Variants in ARHGAP24 observed in about 807,000 individuals in gnomAD.
The protein encoded by ARHGAP24 is Rho GTPase activating protein 24, also known as rho GTPase-activating protein 24.
A neutral mutation model predicts 76.4 loss-of-function variants in ARHGAP24; 50 were observed. The ratio of observed to expected loss-of-function variants is 0.65; its 90% CI spans 0.52 to 0.83. The LOEUF is 0.83. Among genes scored for constraint, ARHGAP24 ranks in the 40% least tolerant of loss-of-function variants. The probability of loss-of-function intolerance (pLI) is 0.00; values close to 1 mark genes in which losing one functional copy is unlikely to be tolerated. For missense variants in ARHGAP24, 930 were observed against 914.2 expected, an observed-to-expected ratio of 1.02 and a Z score of -0.22; for synonymous variants, 345 against 323.3, an observed-to-expected ratio of 1.07 and a Z score of -0.72.
intron 4 of ARHGAP24, among the ~76,000 whole-genome samples, chr4:85,938,057 G>A (rs983994056): frequency 1.3e-5 from 2 of 152,160 alleles, no homozygotes; most frequent in Non-Finnish European, 1.5e-5. Context: ...ATGTAAAGGG[G>A]GACCCTTACA....
chr4:85,753,788 T>C (rs1468604781), intron 3 of ARHGAP24, among the ~76,000 whole-genome samples: 1 of 152,200 alleles, frequency 6.6e-6, no homozygotes, highest in African/African-American at 2.4e-5. Flanking sequence ...TATATCATAA[T>C]TGTGCATATT....
intron 1 of ARHGAP24, among the ~76,000 whole-genome samples, chr4:85,527,849 A>G (rs945336384): frequency 1.3e-5 from 2 of 152,072 alleles, no homozygotes; most frequent in African/African-American, 4.8e-5. Context: ...TCCAAGAAGT[A>G]GGTATGGATT....
intron 1 of ARHGAP24, among the ~76,000 whole-genome samples, chr4:85,539,407 T>A (rs1336345924): frequency 6.6e-6 from 1 of 152,172 alleles, no homozygotes; most frequent in African/African-American, 2.4e-5. Flanking sequence ...TCTTACTTTT[T>A]CAAACAACAT....
intron 3 of ARHGAP24, among the ~76,000 whole-genome samples, chr4:85,813,818 T>TTATATATATATATATA (rs35261368): frequency 3.7e-4 from 51 of 137,132 alleles, no homozygotes; most frequent in African/African-American, 1.2e-3. Context: ...TATATTTATT[T>TTATATATATATATATA]TATATATATA....
intron 1 of ARHGAP24, among the ~76,000 whole-genome samples, chr4:85,554,908 C>T (rs1003985699): frequency 7.2e-5 from 11 of 151,814 alleles, no homozygotes; most frequent in Admixed American, 6.6e-5. Context: ...TCTCAATCTC[C>T]TGACCTCGTG....
rs150457227 is a variant in ARHGAP24 at position 85,811,181 on chromosome 4, A to G, written c.268+89209A>G. Among the ~76,000 whole-genome samples, 27 of 152,346 alleles carry G rather than the reference A, an allele frequency of 1.8e-4. No homozygotes were observed. The East Asian group carries it at 4.2e-3, about 24-fold the overall frequency. ...TTTCTGTGTGTCTCTTGAGAAGTTT[A>G]TTTAAAAATGGCAGCATTTGAAATT... On this transcript the variant is annotated intron_variant, in intron 3 of 9. Coordinates refer to ENST00000395184, the MANE Select transcript of ARHGAP24 (RefSeq NM_001025616.3).
At chr4:85,551,731 T>A (rs754472541) in intron 1 of ARHGAP24, among the ~76,000 whole-genome samples, 14 of 152,176 alleles carry the variant, frequency 9.2e-5, no homozygotes, top group Non-Finnish European at 1.9e-4. Flanking sequence ...AGGGATTCAG[T>A]TTCTTCCTAG....
chr4:85,888,093 A>C (rs1307273685), intron 3 of ARHGAP24, among the ~76,000 whole-genome samples: 1 of 152,040 alleles, frequency 6.6e-6, no homozygotes, highest in African/African-American at 2.4e-5. Flanking sequence ...ATGTTTTGGT[A>C]ACTCTCGATT....
chr4:85,485,359 AAAAAAAAAAAAAAAAAAATATATAT>A (rs1722989160), intron 1 of ARHGAP24, among the ~76,000 whole-genome samples: 3 of 56,638 alleles, frequency 5.3e-5, no homozygotes, highest in Admixed American at 2.7e-4. Flanking sequence ...AAAAAAAAAA[AAAAAAAAAAAAAAAAAAATATATAT>A]ATATATATAT....
chr4:85,719,594 C>T (rs1225962347), intron 2 of ARHGAP24, among the ~76,000 whole-genome samples: 2 of 152,172 alleles, frequency 1.3e-5, no homozygotes, highest in East Asian at 3.8e-4. Context: ...TGGACAGGAG[C>T]ATGGGCTTTT....
At chr4:85,653,028 G>A (rs57626737) in intron 2 of ARHGAP24, among the ~76,000 whole-genome samples, 59,282 of 151,754 alleles carry the variant, frequency 0.39, 13,050 homozygotes, top group East Asian at 0.84. Context: ...ATATGTATTA[G>A]TAAATGTATG....
intron 5 of ARHGAP24, among the ~76,000 whole-genome samples, chr4:85,948,296 G>C (rs1737405927): frequency 6.6e-6 from 1 of 152,070 alleles, no homozygotes; most frequent in Non-Finnish European, 1.5e-5. Context: ...CCTCATAATA[G>C]AATATCGTAT....
chr4:85,931,613 G>A (rs1231858176), intron 4 of ARHGAP24, among the ~76,000 whole-genome samples: 2 of 152,080 alleles, frequency 1.3e-5, no homozygotes, highest in Non-Finnish European at 2.9e-5. Context: ...GGTGGCACTG[G>A]GAGAGGGCAA....
intron 3 of ARHGAP24, among the ~76,000 whole-genome samples, chr4:85,905,751 G>A (rs1223568611): frequency 6.6e-6 from 1 of 152,146 alleles, no homozygotes; most frequent in African/African-American, 2.4e-5. Context: ...AATTGCCATA[G>A]TAGGACTGTC....
chr4:85,497,303 A>G (rs1008122483), intron 1 of ARHGAP24, among the ~76,000 whole-genome samples: 2 of 152,194 alleles, frequency 1.3e-5, no homozygotes, highest in African/African-American at 4.8e-5. Context: ...AGCTCTGTCA[A>G]AGTACTCTGT....
intron 1 of ARHGAP24, among the ~76,000 whole-genome samples, chr4:85,500,766 G>T (rs1367403524): frequency 5.3e-5 from 8 of 152,108 alleles, no homozygotes; most frequent in Non-Finnish European, 1.2e-4. Context: ...GTGCACAACG[G>T]GGAGGTTTGT....
In ARHGAP24 at chr4:86,001,178, T is replaced by C. The variant is rs922492060; in HGVS notation, c.*456T>C. 76 of 394,302 alleles carry C rather than the reference T, an allele frequency of 1.9e-4. 1 individual carries two copies. Among genetic ancestry groups the C allele is most frequent in the Middle Eastern group, 6.4e-4 (1 of 1,574 alleles). 24.4% of individuals were successfully genotyped at this position (394,302 alleles called of 1,614,324 possible). A position where few individuals can be genotyped will look rare whatever the true frequency, so the allele number is the denominator to read the frequency against. On this transcript the variant is annotated 3_prime_UTR_variant, in exon 10 of 10. Transcript: ENST00000395184. ...CTGAGGAAATGAAGATAAGCAAAAA[T>C]ATAAATATATATATAAATATATGAG...
intron 2 of ARHGAP24, among the ~76,000 whole-genome samples, chr4:85,604,568 A>G (rs566810862): frequency 6.6e-6 from 1 of 152,280 alleles, no homozygotes; most frequent in East Asian, 1.9e-4. Context: ...TTAAAAAGAT[A>G]GATGTATCGT....
chr4:85,556,604 A>C (rs916762437), intron 1 of ARHGAP24, among the ~76,000 whole-genome samples: 1 of 152,310 alleles, frequency 6.6e-6, no homozygotes, highest in African/African-American at 2.4e-5. Flanking sequence ...GCCACCACTG[A>C]CTAAAGTGTT....
Sources: allele counts gnomAD v4.1 joint callset (sites outside exome capture counted in the v4.1 genomes callset), GRCh38; gene constraint gnomAD v4.1.1; transcripts MANE v1.5; gene names NCBI Gene and HGNC (gene_info 2026-07-23, HGNC 2026-07-21).